Variants in TMEM178B observed in about 807,000 individuals in gnomAD.
TMEM178B encodes transmembrane protein 178B.
A neutral mutation model predicts 31.0 loss-of-function variants in TMEM178B; 5 were observed. The observed-to-expected ratio is 0.16, with a 90% CI of 0.08 to 0.34. The LOEUF is 0.34. TMEM178B is among the 10% of genes least tolerant of loss of function. The pLI, the probability that TMEM178B is intolerant of heterozygous loss-of-function variation, is 1.00. For synonymous variants in TMEM178B, 164 were observed against 164.0 expected (o/e 1.00, Z 0.00); for missense variants, 275 against 400.3 (o/e 0.69, Z 2.67).
intron 2 of TMEM178B, among the ~76,000 whole-genome samples, chr7:141,218,778 C>A (rs7811424): frequency 6.6e-6 from 1 of 152,132 alleles, no homozygotes; most frequent in African/African-American, 2.4e-5. Context: ...CTGGGTCCTC[C>A]CCTCCCCACT....
At chr7:141,095,331 C>T (rs544474668) in intron 1 of TMEM178B, among the ~76,000 whole-genome samples, 4 of 152,276 alleles carry the variant, frequency 2.6e-5, no homozygotes, top group Admixed American at 2.6e-4. Flanking sequence ...TTTAGTTCCA[C>T]CTGTAATTTG....
rs147403380 is a variant in TMEM178B at position 141,227,063 on chromosome 7, C to A, written c.496+14359C>A. 5.2e-4 allele frequency among the ~76,000 whole-genome samples: 79 copies of A among 152,190 alleles called. 1 individual carries two copies. The highest frequency in any genetic ancestry group is 1.9e-3 in the African/African-American group (77 of 41,524). On this transcript the variant is annotated intron_variant, in intron 2 of 3. Coordinates refer to ENST00000565468, the MANE Select transcript of TMEM178B (RefSeq NM_001195278.2). ...TAGTGCCCAGTGTGGACTGAGAGTC[C>A]GCTGTGTGGACAGCACTGGAGCTGG... is the stretch of plus-strand genomic sequence containing the variant.
chr7:141,410,820 C>G (rs1800973047), intron 2 of TMEM178B, among the ~76,000 whole-genome samples: 1 of 152,110 alleles, frequency 6.6e-6, no homozygotes, highest in South Asian at 2.1e-4. Flanking sequence ...AAGTGGACCC[C>G]CATGGGCACT....
chr7:141,405,099 T>C (rs530023162), intron 2 of TMEM178B, among the ~76,000 whole-genome samples: 124 of 152,336 alleles, frequency 8.1e-4, no homozygotes, highest in African/African-American at 2.7e-3. Context: ...TTTCTTCCAG[T>C]GGAAACTAAC....
Position 141,344,569 on chromosome 7 carries a change from C to CTCCTCCCT in TMEM178B, c.497-93034_497-93027dup, listed in dbSNP as rs1554478037. 6.9e-4 allele frequency among the ~76,000 whole-genome samples: 98 copies of CTCCTCCCT among 142,206 alleles called. 1 individual carries two copies. The highest frequency in any genetic ancestry group is 3.4e-3 in the Middle Eastern group (1 of 296). 93.3% of individuals were successfully genotyped at this position (142,206 alleles called of 152,430 possible). On this transcript the variant is annotated intron_variant, in intron 2 of 3. Transcript: ENST00000565468. The surrounding 1 kb of genome is among the most constrained non-coding windows in gnomAD (Gnocchi z 4.1). ...TCTCCCTCCCTCCCTCCATTCCTCC[C>CTCCTCCCT]TCCTCCCTTCCTTCCTTCCTTCCTT... is the stretch of plus-strand genomic sequence containing the variant.
chr7:141,469,604 C>T (rs1251793654), intron 3 of TMEM178B, among the ~76,000 whole-genome samples: 1 of 152,224 alleles, frequency 6.6e-6, no homozygotes, highest in Non-Finnish European at 1.5e-5. Context: ...ATACATCCTT[C>T]TTCTGCTCAT....
chr7:141,115,801 A>G (rs1795308734), intron 1 of TMEM178B, among the ~76,000 whole-genome samples: 2 of 152,202 alleles, frequency 1.3e-5, no homozygotes, highest in African/African-American at 4.8e-5. Context: ...ATTTAAAGGA[A>G]AACATTCTTC....
chr7:141,483,350 C>T (rs954389547), downstream of TMEM178B, among the ~76,000 whole-genome samples: 1 of 152,176 alleles, frequency 6.6e-6, no homozygotes, highest in African/African-American at 2.4e-5. Flanking sequence ...ACAGACAAAT[C>T]CAGCCATGGC....
intron 2 of TMEM178B, among the ~76,000 whole-genome samples, chr7:141,266,355 A>C (rs1005342457): frequency 2.6e-5 from 4 of 152,146 alleles, no homozygotes; most frequent in African/African-American, 9.7e-5. Flanking sequence ...TGACCCTGGA[A>C]TGTTGAGTAG....
At chr7:141,495,730 A>G in the TMEM178B span, among the ~76,000 whole-genome samples, 2 of 152,234 alleles carry the variant, frequency 1.3e-5, no homozygotes, top group Admixed American at 6.5e-5. Context: ...AATACCATAT[A>G]GTCACTAAAA....
rs375688348 is a variant in TMEM178B at position 141,369,316 on chromosome 7, C to T, written c.497-68292C>T. ...CTTTCTCTCTGTCTCTCCGCGCCGA[C>T]GTGTGTGTGTGTGTGTGTGTGTGTG... On this transcript the variant is annotated intron_variant, in intron 2 of 3. Transcript: ENST00000565468. 3.3e-3 allele frequency among the ~76,000 whole-genome samples: 455 copies of T among 138,448 alleles called. 4 individuals are homozygous for T. Among genetic ancestry groups the T allele is most frequent in the African/African-American group, 0.012 (439 of 36,956 alleles). The allele number at this position is 138,448 out of a possible 152,430, so 90.8% of individuals were successfully genotyped here.
At chr7:141,457,858 A>T (rs1319968528) in intron 3 of TMEM178B, among the ~76,000 whole-genome samples, 1 of 152,264 alleles carries the variant, frequency 6.6e-6, no homozygotes, top group Non-Finnish European at 1.5e-5. Flanking sequence ...ATTTTGATGT[A>T]TAGGCATGGA....
intron 1 of TMEM178B, among the ~76,000 whole-genome samples, chr7:141,090,320 G>A (rs1308806553): frequency 6.6e-6 from 1 of 152,214 alleles, no homozygotes; most frequent in East Asian, 1.9e-4. Flanking sequence ...AAACCCCAGA[G>A]TGTTGGAGTT....
At chr7:141,291,290 T>C (rs1798541792) in intron 2 of TMEM178B, among the ~76,000 whole-genome samples, 2 of 152,178 alleles carry the variant, frequency 1.3e-5, no homozygotes, top group African/African-American at 4.8e-5. Context: ...GAAATCTTTT[T>C]ATGATCTCGA....
chr7:141,396,791 G>T (rs1381893827), intron 2 of TMEM178B, among the ~76,000 whole-genome samples: 2 of 152,192 alleles, frequency 1.3e-5, no homozygotes, highest in Admixed American at 1.3e-4. Flanking sequence ...GGTCAGCATT[G>T]CAGAGTGGAA....
At chr7:141,431,146 C>T (rs1374823467) in intron 2 of TMEM178B, 11 of 150,672 alleles carry the variant, frequency 7.3e-5, no homozygotes, top group Non-Finnish European at 1.3e-4. Context: ...CAAGGTCTAA[C>T]GCATACTTAC....
At chr7:141,487,833 C>G in the TMEM178B span, among the ~76,000 whole-genome samples, 1 of 145,624 alleles carries the variant, frequency 6.9e-6, no homozygotes, top group African/African-American at 2.5e-5. Flanking sequence ...AAAAAGGAAA[C>G]ATTTCAAAAA....
At chr7:141,493,020 T>C in the TMEM178B span, among the ~76,000 whole-genome samples, 1 of 152,124 alleles carries the variant, frequency 6.6e-6, no homozygotes, top group Admixed American at 6.5e-5. Context: ...TAATGGAAAT[T>C]GCCAAGTAAC....
chr7:141,239,056 G>GT (rs149503747), intron 2 of TMEM178B, among the ~76,000 whole-genome samples: 25 of 151,634 alleles, frequency 1.6e-4, no homozygotes, highest in Admixed American at 8.5e-4. Context: ...TAGGAGCTAG[G>GT]TTTTTTTTGT....
Sources: allele counts gnomAD v4.1 joint callset (sites outside exome capture counted in the v4.1 genomes callset), GRCh38; gene constraint gnomAD v4.1.1; non-coding constraint Gnocchi (gnomAD v3.1); transcripts MANE v1.5; gene names NCBI Gene and HGNC (gene_info 2026-07-23, HGNC 2026-07-21).